Variants in CNTN4 observed in about 807,000 individuals in gnomAD.
CNTN4 encodes contactin-4.
A neutral mutation model predicts 122.5 loss-of-function variants in CNTN4; 77 were observed. The ratio of observed to expected loss-of-function variants is 0.63; its 90% CI spans 0.52 to 0.76. The LOEUF (loss-of-function observed/expected upper bound fraction) is 0.76. CNTN4 is among the 30% of genes least tolerant of loss of function. The pLI, the probability that CNTN4 is intolerant of heterozygous loss-of-function variation, is 0.00. For missense variants in CNTN4, 1,256 were observed against 1,259.1 expected (o/e 1.00, Z 0.04); for synonymous variants, 512 against 447.0 (o/e 1.15, Z -1.83).
intron 4 of CNTN4, among the ~76,000 whole-genome samples, chr3:2,597,361 C>T (rs1350298970): frequency 1.3e-5 from 2 of 152,152 alleles, no homozygotes; most frequent in South Asian, 4.1e-4. Context: ...CCTCTAGGTT[C>T]AGCATTAACA....
In CNTN4 at chr3:2,322,788, A is replaced by T. The variant is rs116466030; in HGVS notation, c.-144-16390A>T. ...ATCTAATTATCTGAAATATGCTGTT[A>T]AGTGTCTTTTTCTTTTATTGAGCAA... On this transcript the variant is annotated intron_variant, in intron 2 of 24. Coordinates refer to ENST00000418658, the MANE Select transcript of CNTN4 (RefSeq NM_175607.3). Among the ~76,000 whole-genome samples the T allele has an allele frequency of 4.0e-3, 614 of 152,288 alleles. 4 individuals are homozygous for T. The highest frequency in any genetic ancestry group is 0.014 in the African/African-American group (596 of 41,552).
At chr3:2,406,308 C>T (rs1236917631) in intron 3 of CNTN4, among the ~76,000 whole-genome samples, 5 of 152,134 alleles carry the variant, frequency 3.3e-5, no homozygotes, top group African/African-American at 1.2e-4. Context: ...GTGAGAAGGG[C>T]ACATCAGTTC....
Position 2,689,702 on chromosome 3 carries a change from T to C in CNTN4, c.56-46513T>C, listed in dbSNP as rs544831948. Among the ~76,000 whole-genome samples, 30 of 152,090 alleles carry C rather than the reference T, an allele frequency of 2.0e-4. 1 individual carries two copies. In the South Asian group the frequency reaches 5.4e-3, roughly 27 times the overall value. Reference sequence around the variant, plus strand: ...CTGAAATCCACTCTAGAATTAGCAGTAGAGCAGCTGATATAAGAGACCTAC... The same window carrying C: ...CTGAAATCCACTCTAGAATTAGCAGCAGAGCAGCTGATATAAGAGACCTAC... On this transcript the variant is annotated intron_variant, in intron 4 of 24. Transcript: ENST00000418658.
At chr3:2,474,633 T>C (rs1559586698) in intron 3 of CNTN4, among the ~76,000 whole-genome samples, 1 of 152,200 alleles carries the variant, frequency 6.6e-6, no homozygotes, top group Non-Finnish European at 1.5e-5. Flanking sequence ...TAAGGCAGTC[T>C]CACACCCTAT....
intron 4 of CNTN4, among the ~76,000 whole-genome samples, chr3:2,669,104 A>G (rs377016116): frequency 0.064 from 9,743 of 152,256 alleles, 492 homozygotes; most frequent in African/African-American, 0.14. Context: ...TGCTGGCCTC[A>G]TAAAACGAGT....
At chr3:2,468,245 G>A (rs1043250175) in intron 3 of CNTN4, among the ~76,000 whole-genome samples, 1 of 152,080 alleles carries the variant, frequency 6.6e-6, no homozygotes, top group Non-Finnish European at 1.5e-5. Context: ...ATGCAAGATG[G>A]TCCCCTCTGA....
At chr3:2,786,783 A>G (rs1319184401) in intron 6 of CNTN4, among the ~76,000 whole-genome samples, 1 of 152,224 alleles carries the variant, frequency 6.6e-6, no homozygotes, top group Non-Finnish European at 1.5e-5. Flanking sequence ...TAAAATTATT[A>G]GATCCATTTC....
chr3:2,881,224 TCACCTC>T (rs1348466876), intron 8 of CNTN4, among the ~76,000 whole-genome samples: 12 of 152,096 alleles, frequency 7.9e-5, no homozygotes, highest in Non-Finnish European at 1.5e-5. Flanking sequence ...ATGAAAAGGG[TCACCTC>T]GGTGGGGTGC....
At chr3:2,742,040 T>A (rs188163884) in intron 5 of CNTN4, among the ~76,000 whole-genome samples, 1 of 152,332 alleles carries the variant, frequency 6.6e-6, no homozygotes, top group African/African-American at 2.4e-5. Context: ...AGCATTCCTC[T>A]TGTTGAAAGA....
At chr3:2,190,117 A>T (rs2037458114) in intron 2 of CNTN4, among the ~76,000 whole-genome samples, 1 of 152,196 alleles carries the variant, frequency 6.6e-6, no homozygotes, top group South Asian at 2.1e-4. Flanking sequence ...TTTATGTGTG[A>T]GCGTTGGCAA....
In CNTN4 at chr3:2,659,620, G is replaced by A. The variant is rs137988749; in HGVS notation, c.56-76595G>A. Among the ~76,000 whole-genome samples, 410 of 152,138 alleles carry A rather than the reference G, an allele frequency of 2.7e-3. 3 individuals carry two copies. The highest frequency in any genetic ancestry group is 9.1e-3 in the African/African-American group (379 of 41,512). Reference sequence around the variant, plus strand: ...GAATTCTAACGACTTTTACACTAATGTTCAAGTTGGTCCTTAATTTTATTA... The same window carrying A: ...GAATTCTAACGACTTTTACACTAATATTCAAGTTGGTCCTTAATTTTATTA... On this transcript the variant is annotated intron_variant, in intron 4 of 24. Coordinates refer to ENST00000418658, the MANE Select transcript of CNTN4 (RefSeq NM_175607.3).
intron 15 of CNTN4, 68 bp from the exon 16 acceptor site, chr3:3,030,787 C>T: frequency 6.5e-7 from 1 of 1,543,342 alleles, no homozygotes; most frequent in Non-Finnish European, 9.0e-7. Context: ...TCACCGTGTC[C>T]TTCATGTGAT....
intron 6 of CNTN4, among the ~76,000 whole-genome samples, chr3:2,771,401 T>A (rs925763018): frequency 6.6e-6 from 1 of 152,178 alleles, no homozygotes; most frequent in African/African-American, 2.4e-5. Flanking sequence ...TGGAAACTGA[T>A]CAAGCAAGCC....
intron 3 of CNTN4, among the ~76,000 whole-genome samples, chr3:2,505,342 A>G (rs2076704340): frequency 6.6e-6 from 1 of 152,190 alleles, no homozygotes; most frequent in Admixed American, 6.5e-5. Flanking sequence ...ATGTGTATTC[A>G]TTGTGCCATC....
chr3:2,581,596 T>G (rs1478835937), intron 4 of CNTN4, among the ~76,000 whole-genome samples: 2 of 152,128 alleles, frequency 1.3e-5, no homozygotes, highest in Non-Finnish European at 2.9e-5. Flanking sequence ...AATGTCAGAG[T>G]CTTGTATTTA....
At chr3:2,316,742 G>A (rs1575355556) in intron 2 of CNTN4, among the ~76,000 whole-genome samples, 1 of 152,106 alleles carries the variant, frequency 6.6e-6, no homozygotes, top group African/African-American at 2.4e-5. Flanking sequence ...TAGATGGCAT[G>A]ATTTGATATG....
chr3:2,610,760 G>A (rs896989762), intron 4 of CNTN4, among the ~76,000 whole-genome samples: 3 of 152,088 alleles, frequency 2.0e-5, no homozygotes, highest in African/African-American at 4.8e-5. Flanking sequence ...TAAACATACA[G>A]CCAAGCAAGA....
chr3:2,259,010 G>A (rs1024844161), intron 2 of CNTN4, among the ~76,000 whole-genome samples: 1 of 151,910 alleles, frequency 6.6e-6, no homozygotes, highest in Non-Finnish European at 1.5e-5. Flanking sequence ...CTATTCTGTA[G>A]GTGAGGAGAC....
intron 4 of CNTN4, among the ~76,000 whole-genome samples, chr3:2,699,955 C>G (rs2086267340): frequency 6.6e-6 from 1 of 152,086 alleles, no homozygotes; most frequent in African/African-American, 2.4e-5. Flanking sequence ...GAGATGATGT[C>G]TCCTCTCATA....
Sources: gnomAD v4.1 joint callset for allele counts (sites outside exome capture counted in the v4.1 genomes callset) on GRCh38, gnomAD v4.1.1 for gene constraint, MANE v1.5 for transcripts, NCBI Gene and HGNC (gene_info 2026-07-23, HGNC 2026-07-21) for gene names.